The following SLC1A2 variants were observed in gnomAD, a reference collection of about 807,000 sequenced individuals.
SLC1A2 encodes excitatory amino acid transporter 2.
A neutral mutation model predicts 48.8 loss-of-function variants in SLC1A2; 15 were observed. The observed-to-expected ratio is 0.31, with a 90% CI of 0.21 to 0.47. SLC1A2 has a LOEUF of 0.47. Ranked by LOEUF, SLC1A2 falls within the 20% of genes least tolerant of loss-of-function variation. SLC1A2 has a pLI of 0.99. For missense variants in SLC1A2, 502 were observed against 730.5 expected, an observed-to-expected ratio of 0.69 and a Z score of 3.61; for synonymous variants, 279 against 272.6, an observed-to-expected ratio of 1.02 and a Z score of -0.23.
At chr11:35,326,724 T>C (rs552520002) in intron 1 of SLC1A2, among the ~76,000 whole-genome samples, 7 of 152,322 alleles carry the variant, frequency 4.6e-5, no homozygotes, top group African/African-American at 1.7e-4. Flanking sequence ...CACACAATTC[T>C]TTTGTGAGAT....
At chr11:35,266,560 G>T (rs566029261) in intron 9 of SLC1A2, among the ~76,000 whole-genome samples, 4 of 152,266 alleles carry the variant, frequency 2.6e-5, no homozygotes, top group Admixed American at 1.3e-4. Flanking sequence ...GAAATTCAGT[G>T]CCAGGAAAGC....
At chr11:35,345,603 C>T (rs1244512404) in intron 1 of SLC1A2, among the ~76,000 whole-genome samples, 1 of 152,034 alleles carries the variant, frequency 6.6e-6, no homozygotes, top group Admixed American at 6.6e-5. Flanking sequence ...CTGAAGGTTA[C>T]CTCCCCACAC....
chr11:35,292,126 A>G (rs976604890), intron 7 of SLC1A2, 161 bp downstream of exon 7: 4 of 651,198 alleles, frequency 6.1e-6, no homozygotes, highest in Non-Finnish European at 1.1e-5. Context: ...AGTTCCTAGA[A>G]GGAGACAAAA....
chr11:35,306,166 G>A lies in SLC1A2; in HGVS notation c.638C>T (p.Ser213Phe). The change falls in exon 5 of 11, where the codon TCT (serine) becomes TTT (phenylalanine). Residue 213 changes from serine to phenylalanine, a missense_variant. By Grantham distance (155) the Ser-to-Phe change is radical. Around this residue, in one of 4 missense-constraint regions of SLC1A2, gnomAD observed 309 missense variants for 480.3 expected, o/e 0.64. Coordinates refer to ENST00000278379, the MANE Select transcript of SLC1A2 (RefSeq NM_004171.4). ...CTCAGTCACAGTCTCGTTCAACAGA[G>A]AGACAACAGCGCTGGTTGCGTTGGC... ...EEANATSAVV[S>F]LLNETVTEVP... The A allele has an allele frequency of 6.2e-7, 1 of 1,614,058 alleles. No homozygotes were observed. The highest frequency in any genetic ancestry group is 1.3e-5 in the African/African-American group (1 of 75,048).
intron 4 of SLC1A2, among the ~76,000 whole-genome samples, chr11:35,309,137 C>A (rs999572971): frequency 1.3e-5 from 2 of 152,170 alleles, no homozygotes; most frequent in African/African-American, 4.8e-5. Flanking sequence ...AATATCTCCC[C>A]TAGTTACCAC....
chr11:35,312,352 AC>A lies in SLC1A2; in HGVS notation c.406del (p.Val136SerfsTer56), dbSNP rs756650498. 1 of 1,613,794 alleles carries A rather than the reference AC, an allele frequency of 6.2e-7. No homozygotes were observed. Among genetic ancestry groups the A allele is most frequent in the Admixed American group, 1.7e-5 (1 of 59,980 alleles). The stretch of plus-strand genomic sequence containing the variant: ...TGGATGGATAGCCAAGACCAGAATG[AC>A]CCCCAGTACTGCAGCAATGATGGTC... ...STTIIAAVLGVILVLAIHPGN... is the reference protein window; with the variant it reads ...STTIIAAVLGXILVLAIHPGN... On this transcript the variant is annotated frameshift_variant, in exon 4 of 11. Coordinates refer to ENST00000278379, the MANE Select transcript of SLC1A2 (RefSeq NM_004171.4). LOFTEE classifies it high-confidence loss of function.
In SLC1A2 at chr11:35,260,926, C is replaced by T. The variant is rs149609715; in HGVS notation, c.1693G>A (p.Val565Ile). 5 of 1,613,774 alleles carry T rather than the reference C, an allele frequency of 3.1e-6. No homozygotes were observed. The highest frequency in any genetic ancestry group is 4.2e-6 in the Non-Finnish European group (5 of 1,179,782). Reference protein sequence around the residue: ...AANGKSADCSVEEEPWKREK With the variant: ...AANGKSADCSIEEEPWKREK Reference sequence around the variant, plus strand: ...TCACGTTTCCAAGGTTCTTCCTCAACACTGCAGTCGGCTGACTTTCCATTG... The same window carrying T: ...TCACGTTTCCAAGGTTCTTCCTCAATACTGCAGTCGGCTGACTTTCCATTG... Residue 565 changes from valine to isoleucine, a missense_variant, in exon 11 of 11, where the codon GTT becomes ATT. Transcript: ENST00000278379.
rs755912393 is a variant in SLC1A2, at chr11:35,315,156, C to T, written c.177G>A (p.Val59=). Residue 59 remains valine (V), a synonymous_variant, in exon 3 of 11, where the codon GTG becomes GTA. Coordinates refer to ENST00000278379, the MANE Select transcript of SLC1A2 (RefSeq NM_004171.4). ...LTVFGVILGA[V]CGGLLRLASP... ...ATGCCAAGCGAAGAAGCCCTCCACA[C>T]ACTGCTCCCAGGATGACACCTAAAA... The T allele has an allele frequency of 6.2e-7, 1 of 1,613,760 alleles. No homozygotes were observed. The highest frequency in any genetic ancestry group is 1.3e-5 in the African/African-American group (1 of 75,042).
At position 35,259,232 on chromosome 11, in the gene SLC1A2, A is replaced by T. The variant is rs1950357823; in HGVS notation, c.*1662T>A. ...AGATAAGAAAGGCTATTTGAGGTCC[A>T]TAAGCACCCTCATCTCAGAGAATTT... On this transcript the variant is annotated 3_prime_UTR_variant, in exon 11 of 11. Coordinates refer to ENST00000278379, the MANE Select transcript of SLC1A2 (RefSeq NM_004171.4). 1 of 152,782 alleles carries T rather than the reference A, an allele frequency of 6.5e-6. No homozygotes were observed. The highest frequency in any genetic ancestry group is 1.5e-5 in the Non-Finnish European group (1 of 68,056). The allele number at this position is 152,782 out of a possible 1,614,324, so 9.5% of individuals were successfully genotyped here. A position where few individuals can be genotyped will look rare whatever the true frequency, so the allele number is the denominator to read the frequency against.
At chr11:35,290,567 A>G (rs1461061788) in intron 7 of SLC1A2, among the ~76,000 whole-genome samples, 3 of 152,038 alleles carry the variant, frequency 2.0e-5, no homozygotes, top group Non-Finnish European at 4.4e-5. Flanking sequence ...TTCTTCTTCA[A>G]AATTGTATTC....
intron 1 of SLC1A2, chr11:35,352,268 T>C (rs1853288026): frequency 6.6e-6 from 1 of 152,246 alleles, no homozygotes; most frequent in South Asian, 2.1e-4. Flanking sequence ...TCAAACTTCA[T>C]CTAGTTCCAC....
chr11:35,284,112 A>ATATATATATATATATATATAT (rs1355573961), intron 8 of SLC1A2, among the ~76,000 whole-genome samples: 44 of 91,380 alleles, frequency 4.8e-4, no homozygotes, highest in Non-Finnish European at 7.2e-4. Context: ...TATATATATA[A>ATATATATATATATATATATAT]ATTATTATTT....
intron 1 of SLC1A2, among the ~76,000 whole-genome samples, chr11:35,346,791 A>G (rs1853054348): frequency 6.6e-6 from 1 of 152,250 alleles, no homozygotes; most frequent in Non-Finnish European, 1.5e-5. Context: ...TAGGATGGAT[A>G]TGACAGACCA....
At chr11:35,371,562 T>G (rs991687984) in intron 1 of SLC1A2, among the ~76,000 whole-genome samples, 4 of 152,204 alleles carry the variant, frequency 2.6e-5, no homozygotes, top group African/African-American at 9.6e-5. Flanking sequence ...TGCCTTGAGA[T>G]CTTTGCAAAG....
intron 1 of SLC1A2, among the ~76,000 whole-genome samples, chr11:35,377,130 C>T (rs1418632777): frequency 2.6e-5 from 4 of 152,104 alleles, no homozygotes; most frequent in East Asian, 1.9e-4. Flanking sequence ...ACTCATTTAG[C>T]GCTCACTACA....
At chr11:35,419,821 G>T, upstream of SLC1A2, 1 of 358,746 alleles carries the variant, frequency 2.8e-6, no homozygotes, top group Admixed American at 3.5e-5. The surrounding 1 kb of genome is among the most constrained non-coding windows in gnomAD (Gnocchi z 5.4). Flanking sequence ...GCGGAGACCC[G>T]GGATGCCCCT....
chr11:35,363,159 G>T (rs943082244), intron 1 of SLC1A2, among the ~76,000 whole-genome samples: 17 of 152,184 alleles, frequency 1.1e-4, no homozygotes, highest in African/African-American at 4.1e-4. Context: ...CTCTAGAGAA[G>T]GGGAGGTGTG....
In SLC1A2 at chr11:35,292,333, C is replaced by T. The variant is rs752426667; in HGVS notation, c.1045G>A (p.Ala349Thr). 2 of 1,613,544 alleles carry T rather than the reference C, an allele frequency of 1.2e-6. No homozygotes were observed. Among genetic ancestry groups the T allele is most frequent in the Admixed American group, 1.7e-5 (1 of 59,966 alleles). ...GTGATCCAAGCTTGGAAAATGCCAG[C>T]AAAAAAGGAGAAGGGGTTTTTCCTG... Reference protein sequence around the residue: ...VTRKNPFSFFAGIFQAWITAL... With the variant: ...VTRKNPFSFFTGIFQAWITAL... The change falls in exon 7 of 11, where the codon GCT (alanine) becomes ACT (threonine). Residue 349 changes from alanine to threonine, a missense_variant. By Grantham distance (58) the Ala-to-Thr change is moderately conservative. Transcript: ENST00000278379.
At chr11:35,269,129 C>A (rs1850193758) in intron 9 of SLC1A2, among the ~76,000 whole-genome samples, 1 of 152,098 alleles carries the variant, frequency 6.6e-6, no homozygotes. Flanking sequence ...AAAAGAGGCC[C>A]AATAGAGACT....
Sources: allele counts gnomAD v4.1 joint callset (sites outside exome capture counted in the v4.1 genomes callset), GRCh38; gene constraint gnomAD v4.1.1; regional missense constraint gnomAD v4.1.1; non-coding constraint Gnocchi (gnomAD v3.1); transcripts MANE v1.5; gene names NCBI Gene and HGNC (gene_info 2026-07-23, HGNC 2026-07-21).